JAK1: variants seen among roughly 807,000 people sequenced by gnomAD.
JAK1 encodes the protein Janus kinase 1.
In JAK1, 16 loss-of-function variants were observed where a neutral mutation model predicts 136.6. That is an observed-to-expected ratio of 0.12 (90% CI 0.08 to 0.18). JAK1 has a LOEUF of 0.18. JAK1 is among the 10% of genes least tolerant of loss of function. The pLI is 1.00. For missense variants in JAK1, 859 were observed against 1,450.1 expected, an observed-to-expected ratio of 0.59 and a Z score of 6.62; for synonymous variants, 492 against 519.5, an observed-to-expected ratio of 0.95 and a Z score of 0.72.
intron 2 of JAK1, among the ~76,000 whole-genome samples, chr1:65,035,057 AAAATAAATAAATAAAT>A (rs35499348): frequency 4.7e-5 from 7 of 149,506 alleles, no homozygotes; most frequent in Non-Finnish European, 8.9e-5. Flanking sequence ...ACTCCATCTC[AAAATAAATAAATAAAT>A]AAATAAATAA....
chr1:64,985,296 C>A (rs1015670103), intron 2 of JAK1: 1 of 1,609,954 alleles, frequency 6.2e-7, no homozygotes. Flanking sequence ...GATGGGCTGT[C>A]GGTAGCTGGA....
rs544590063 is a variant in JAK1, at chr1:65,022,181, G to T, written c.-78+22299C>A. Among the ~76,000 whole-genome samples the T allele has an allele frequency of 5.3e-5, 8 of 152,310 alleles. No individual in the cohort carries two copies. The South Asian group carries it at 1.7e-3, about 32-fold the overall frequency. On this transcript the variant is annotated intron_variant, in intron 2 of 25. Coordinates refer to the JAK1 transcript ENST00000671954. The stretch of plus-strand genomic sequence containing the variant: ...AGGGCCTTTTCCAAAACAATTCAGG[G>T]TGATGACTACTTGAGTGCATTTTAA...
Position 65,024,622 on chromosome 1 carries a change from G to T in JAK1, c.-78+19858C>A, listed in dbSNP as rs776713620. Among the ~76,000 whole-genome samples, 184 of 147,482 alleles carry T rather than the reference G, an allele frequency of 1.2e-3. 2 individuals carry two copies. Among genetic ancestry groups the T allele is most frequent in the Non-Finnish European group, 2.4e-3 (164 of 67,474 alleles). On this transcript the variant is annotated intron_variant, in intron 2 of 25. Transcript: ENST00000671954. The stretch of plus-strand genomic sequence containing the variant: ...TTGTATCACAGAACTGAAAGTTCTT[G>T]GAGGTAGTTGTGGCTTCAAGAATGG...
At chr1:65,004,472 C>T (rs1417574690) in intron 2 of JAK1, among the ~76,000 whole-genome samples, 1 of 152,198 alleles carries the variant, frequency 6.6e-6, no homozygotes, top group Non-Finnish European at 1.5e-5. Flanking sequence ...CAGGCTTTGA[C>T]TGGATTTGTT....
intron 2 of JAK1, chr1:64,972,943 A>G (rs926595225): frequency 6.6e-6 from 1 of 151,984 alleles, no homozygotes; most frequent in Non-Finnish European, 1.5e-5. Flanking sequence ...ACATAGGGAG[A>G]CCCTGGACTC....
chr1:64,882,410 A>C (rs310204), intron 3 of JAK1, among the ~76,000 whole-genome samples: 33,049 of 152,110 alleles, frequency 0.22, 5,027 homozygotes, highest in African/African-American at 0.42. Flanking sequence ...ACGAGTTGAT[A>C]GAACCTTTTT....
At position 65,002,941 on chromosome 1, in the gene JAK1, C is replaced by G. The variant is rs565135295; in HGVS notation, c.-78+41539G>C. Among the ~76,000 whole-genome samples, 964 of 151,668 alleles carry G rather than the reference C, an allele frequency of 6.4e-3. 9 individuals carry two copies. Among genetic ancestry groups the G allele is most frequent in the African/African-American group, 0.022 (923 of 41,436 alleles). On this transcript the variant is annotated intron_variant, in intron 2 of 25. Coordinates refer to the JAK1 transcript ENST00000671954. ...GCGGGGAAGCGATGCTTTCTTGGCC[C>G]GGGCTTGGGGCCAGCGGGAACCGGG...
chr1:64,902,583 A>AGAGAGAGAGAGTGTGTGTGTGTGT, intron 1 of JAK1, among the ~76,000 whole-genome samples: 2 of 73,758 alleles, frequency 2.7e-5, no homozygotes, highest in African/African-American at 6.2e-5. Flanking sequence ...AGAGAGAGAG[A>AGAGAGAGAGAGTGTGTGTGTGTGT]GTGTGTGTGT....
chr1:64,879,112 T>C lies in JAK1; in HGVS notation c.242A>G (p.Tyr81Cys), dbSNP rs529625257. ...ATACCAGAGCTTGGTGTTCTCGTCATACAGGGCAAAGAGGTTGTGACAAAG... is the reference window on the plus strand; with the variant it reads ...ATACCAGAGCTTGGTGTTCTCGTCACACAGGGCAAAGAGGTTGTGACAAAG... ...SPLCHNLFAL[Y>C]DENTKLWYAP... Residue 81 changes from tyrosine (Y) to cysteine (C), a missense_variant, in exon 4 of 25, where the codon TAT becomes TGT. By Grantham distance (194) the Tyr-to-Cys change is radical. Transcript: ENST00000342505. 2.5e-6 allele frequency: 4 copies of C among 1,613,984 alleles called. No homozygotes were observed. Among genetic ancestry groups the C allele is most frequent in the African/African-American group, 1.3e-5 (1 of 75,004 alleles).
chr1:64,871,804 C>T (rs1557652246), intron 5 of JAK1, among the ~76,000 whole-genome samples: 2 of 152,258 alleles, frequency 1.3e-5, no homozygotes, highest in Non-Finnish European at 2.9e-5. Flanking sequence ...CTCCCAGGAT[C>T]ATTGCTGCAG....
intron 3 of JAK1, among the ~76,000 whole-genome samples, chr1:64,881,286 T>A (rs1193756385): frequency 1.6e-5 from 2 of 122,934 alleles, no homozygotes; most frequent in South Asian, 2.7e-4. Context: ...ATTTTAAATT[T>A]AAAAAAAAGT....
intron 1 of JAK1, among the ~76,000 whole-genome samples, chr1:65,065,373 A>G (rs538953863): frequency 1.2e-4 from 19 of 152,296 alleles, no homozygotes; most frequent in African/African-American, 3.6e-4. Context: ...ACAGATTTAC[A>G]TATTTTACAT....
At chr1:64,976,781 C>T (rs918362484) in intron 2 of JAK1, among the ~76,000 whole-genome samples, 3 of 152,238 alleles carry the variant, frequency 2.0e-5, no homozygotes, top group African/African-American at 7.2e-5. Flanking sequence ...TTAATCCTTC[C>T]TATACCTTCT....
chr1:64,988,536 TG>T (rs1646621360), intron 2 of JAK1, among the ~76,000 whole-genome samples: 1 of 152,018 alleles, frequency 6.6e-6, no homozygotes, highest in Non-Finnish European at 1.5e-5. Context: ...CTTCAGACTC[TG>T]GAAAAAAGTC....
intron 5 of JAK1, among the ~76,000 whole-genome samples, chr1:64,869,754 G>A (rs1656960437): frequency 1.3e-5 from 2 of 152,198 alleles, no homozygotes; most frequent in African/African-American, 2.4e-5. Context: ...TAGAAGTGAC[G>A]CTGACAAACA....
chr1:65,054,934 C>A (rs866439486), intron 1 of JAK1, among the ~76,000 whole-genome samples: 1 of 152,172 alleles, frequency 6.6e-6, no homozygotes, highest in Admixed American at 6.5e-5. Flanking sequence ...TATCTTCACA[C>A]GGAAAACTAA....
intron 2 of JAK1, chr1:64,985,055 G>T: frequency 1.1e-6 from 1 of 877,398 alleles, no homozygotes; most frequent in Non-Finnish European, 2.0e-6. Flanking sequence ...CAGACATGAG[G>T]ATGGAACAAA....
intron 10 of JAK1, among the ~76,000 whole-genome samples, chr1:64,855,912 A>T (rs1004394493): frequency 6.6e-6 from 1 of 152,232 alleles, no homozygotes; most frequent in African/African-American, 2.4e-5. Flanking sequence ...AGGAGAAGGC[A>T]TTGATAAAAG....
intron 1 of JAK1, among the ~76,000 whole-genome samples, chr1:64,894,795 A>T (rs995873503): frequency 4.6e-5 from 7 of 151,972 alleles, no homozygotes; most frequent in African/African-American, 1.7e-4. Context: ...AACAAAAAAA[A>T]ACCAGGAAAT....
Sources: allele counts gnomAD v4.1 joint callset (sites outside exome capture counted in the v4.1 genomes callset), GRCh38; gene constraint gnomAD v4.1.1; transcripts MANE v1.5; gene names NCBI Gene and HGNC (gene_info 2026-07-23, HGNC 2026-07-21).